Variants in RFX1 observed in about 807,000 individuals in gnomAD.
RFX1 encodes regulatory factor X1.
In RFX1, 42 loss-of-function variants were observed where a neutral mutation model predicts 119.6. That is an observed-to-expected ratio of 0.35 (90% CI 0.27 to 0.45). The LOEUF (loss-of-function observed/expected upper bound fraction) is 0.45. Among genes scored for constraint, RFX1 ranks in the 20% least tolerant of loss-of-function variants. The probability of loss-of-function intolerance (pLI) is 1.00; values close to 1 mark genes in which losing one functional copy is unlikely to be tolerated. For synonymous variants in RFX1, 628 were observed against 618.5 expected (o/e 1.02, Z -0.23); for missense variants, 1,118 against 1,368.1 (o/e 0.82, Z 2.88).
rs548576284 is a variant in RFX1, at chr19:13,993,911, G to A, written c.-52-16C>T. 75 of 1,257,308 alleles carry A rather than the reference G, an allele frequency of 6.0e-5. No homozygotes were observed. Among genetic ancestry groups the A allele is most frequent in the Non-Finnish European group, 7.4e-5 (67 of 910,684 alleles). 77.9% of individuals were successfully genotyped at this position (1,257,308 alleles called of 1,614,324 possible). A position where few individuals can be genotyped will look rare whatever the true frequency, so the allele number is the denominator to read the frequency against. The stretch of plus-strand genomic sequence containing the variant: ...TTTTTAATTCCTTGGGAAGAAAGAC[G>A]GGGATGGGGGAGAGAAAAACAAAAC... On this transcript the variant is annotated splice_polypyrimidine_tract_variant and intron_variant, in intron 1 of 20. Transcript: ENST00000254325.
At chr19:13,993,931 C>T (rs570020076) in intron 1 of RFX1, 36 bp from the exon 2 acceptor site, 2 of 1,053,438 alleles carry the variant, frequency 1.9e-6, no homozygotes, top group Non-Finnish European at 2.7e-6. Flanking sequence ...GAGAGAAAAA[C>T]AAAACAAAAC....
Position 13,962,343 on chromosome 19 carries a change from AG to A in RFX1, c.*351del. 2 of 291,838 alleles carry A rather than the reference AG, an allele frequency of 6.9e-6. No homozygotes were observed. Among genetic ancestry groups the A allele is most frequent in the South Asian group, 4.6e-5 (1 of 21,818 alleles). 18.1% of individuals were successfully genotyped at this position (291,838 alleles called of 1,614,324 possible). On this transcript the variant is annotated 3_prime_UTR_variant, in exon 21 of 21. Coordinates refer to ENST00000254325, the MANE Select transcript of RFX1 (RefSeq NM_002918.5). ...GAATAAGTTAACAGTTTCGCACGGG[AG>A]GGGGCCTGCCTGCCTGCCCCCTGGG...
chr19:13,979,939 G>A (rs1289071442), intron 6 of RFX1, among the ~76,000 whole-genome samples: 2 of 152,108 alleles, frequency 1.3e-5, no homozygotes, highest in African/African-American at 4.8e-5. Context: ...GGAGGCTGGC[G>A]GAGGAGGGTG....
Position 13,993,687 on chromosome 19 carries a change from G to T in RFX1, c.157C>A (p.Gln53Lys). Residue 53 changes from glutamine to lysine, a missense_variant, in exon 2 of 21, where the codon CAA becomes AAA. This residue lies in a region of RFX1 where 542 missense variants were observed against 602.7 expected (regional missense o/e 0.90). Transcript: ENST00000254325. ...GGGCTCTGCAGCTCGGTGACATATTGGGGCTGAGGGGTGGCAGCAGCGGTG... is the reference window on the plus strand; with the variant it reads ...GGGCTCTGCAGCTCGGTGACATATTTGGGCTGAGGGGTGGCAGCAGCGGTG... ...PPTAAATPQP[Q>K]YVTELQSPQP... The T allele has an allele frequency of 6.3e-7, 1 of 1,586,198 alleles. No individual in the cohort carries two copies.
chr19:14,000,428 A>T (rs1306773245), intron 1 of RFX1, among the ~76,000 whole-genome samples: 1 of 152,044 alleles, frequency 6.6e-6, no homozygotes, highest in African/African-American at 2.4e-5. Flanking sequence ...CAGAGGTTGC[A>T]GTGAGCTGAG....
chr19:13,978,544 C>T lies in RFX1; in HGVS notation c.835-458G>A, dbSNP rs368512720. ...AGGGCCTTAGGGGCGGGGCCTGAGT[C>T]CCCCACCTCCATCCCCCACCCTTGT... On this transcript the variant is annotated intron_variant, in intron 7 of 20. Coordinates refer to ENST00000254325, the MANE Select transcript of RFX1 (RefSeq NM_002918.5). Among the ~76,000 whole-genome samples the T allele has an allele frequency of 3.3e-5, 5 of 152,120 alleles. No homozygotes were observed. The East Asian group carries it at 9.7e-4, about 29-fold the overall frequency.
chr19:13,976,913 G>C (rs994800369), intron 8 of RFX1, among the ~76,000 whole-genome samples: 1 of 152,056 alleles, frequency 6.6e-6, no homozygotes, highest in Non-Finnish European at 1.5e-5. Flanking sequence ...TGAGGTAAGA[G>C]GATTGCTTGA....
In RFX1 at chr19:13,983,592, C is replaced by G; in HGVS notation, c.323G>C (p.Gly108Ala). The change falls in exon 3 of 21, where the codon GGT becomes GCT. Residue 108 changes from glycine to alanine, a missense_variant. Physicochemically the swap from Gly to Ala is moderately conservative, Grantham distance 60. Coordinates refer to ENST00000254325, the MANE Select transcript of RFX1 (RefSeq NM_002918.5). ...CACTGTCTCGCTGGCCCGCATGGCA[C>G]CTTCTGTGGGGAGGGGCCACCAGGT... ...QQYIVVTVSE[G>A]AMRASETVSE... is the part of the protein sequence containing the mutation. 2 of 1,599,834 alleles carry G rather than the reference C, an allele frequency of 1.3e-6. No homozygotes were observed. Among genetic ancestry groups the G allele is most frequent in the Non-Finnish European group, 1.7e-6 (2 of 1,175,472 alleles).
rs183975773 is a variant in RFX1 at position 13,966,825 on chromosome 19, C to T, written c.1733-74G>A. 3.3e-5 allele frequency: 33 copies of T among 1,001,422 alleles called. No homozygotes were observed. The highest frequency in any genetic ancestry group is 4.7e-5 in the Non-Finnish European group (32 of 676,106). The allele number at this position is 1,001,422 out of a possible 1,614,324, so 62.0% of individuals were successfully genotyped here. ...CACCCTGGGGTCCTACTGACCTGTC[C>T]GTTTCCCATCAGACTGGGGTCCCCC... is the stretch of plus-strand genomic sequence containing the variant. On this transcript the variant is annotated intron_variant, in intron 12 of 20. Coordinates refer to ENST00000254325, the MANE Select transcript of RFX1 (RefSeq NM_002918.5). The surrounding 1 kb of genome is among the most constrained non-coding windows in gnomAD (Gnocchi z 6.3).
rs550638317 is a variant in RFX1, at chr19:13,966,117, T to C, written c.1961+304A>G. On this transcript the variant is annotated intron_variant, in intron 14 of 20. Transcript: ENST00000254325. This position sits in a 1 kb window ranked among gnomAD's most constrained non-coding sequence, Gnocchi z 6.3. ...CCTCCCAAAGATCCCCAGGGTCTGGTTGGCACAGGCCCGAGGGGTGGGACG... is the reference window on the plus strand; with the variant it reads ...CCTCCCAAAGATCCCCAGGGTCTGGCTGGCACAGGCCCGAGGGGTGGGACG... 2.6e-5 allele frequency among the ~76,000 whole-genome samples: 4 copies of C among 152,212 alleles called. No individual in the cohort carries two copies. The highest frequency in any genetic ancestry group is 4.1e-4 in the South Asian group (2 of 4,822).
chr19:13,979,306 G>A (rs1974354929), intron 7 of RFX1, 141 bp downstream of exon 7: 2 of 513,992 alleles, frequency 3.9e-6, no homozygotes, highest in Non-Finnish European at 6.7e-6. Flanking sequence ...CTGCCAGGGG[G>A]CCGGGAAAGG....
intron 1 of RFX1, among the ~76,000 whole-genome samples, chr19:13,997,942 C>G (rs1239124466): frequency 6.6e-6 from 1 of 152,122 alleles, no homozygotes; most frequent in Non-Finnish European, 1.5e-5. Flanking sequence ...CTGCCCTCCC[C>G]AAACTCCTTT....
chr19:13,966,742 C>T lies in RFX1; in HGVS notation c.1742G>A (p.Arg581Gln), dbSNP rs764088725. 6.8e-6 allele frequency: 11 copies of T among 1,605,872 alleles called. No homozygotes were observed. The highest frequency in any genetic ancestry group is 2.2e-5 in the East Asian group (1 of 44,720). The change falls in exon 13 of 21, where the codon CGG becomes CAG. Residue 581 changes from arginine (R) to glutamine (Q), a missense_variant. This residue lies in a region of RFX1 where 338 missense variants were observed against 508.9 expected (regional missense o/e 0.66). Transcript: ENST00000254325. The surrounding 1 kb of genome is among the most constrained non-coding windows in gnomAD (Gnocchi z 6.3). The part of the protein sequence containing the change: ...QQYQQFLDAS[R>Q]SLPDFTELDL... ...GAGCTCTGTGAAGTCAGGGAGGCTCCGAGAGGCATCTAGGGGGCCGGGGGG... is the reference window on the plus strand; with the variant it reads ...GAGCTCTGTGAAGTCAGGGAGGCTCTGAGAGGCATCTAGGGGGCCGGGGGG...
At chr19:13,982,984 C>T (rs561670192) in intron 4 of RFX1, 56 of 571,464 alleles carry the variant, frequency 9.8e-5, no homozygotes, top group African/African-American at 9.7e-4. Flanking sequence ...TGAGATGGCT[C>T]CTGCAGCTCC....
chr19:13,983,104 G>T, intron 4 of RFX1, 83 bp downstream of exon 4: 1 of 1,084,274 alleles, frequency 9.2e-7, no homozygotes, highest in Non-Finnish European at 1.3e-6. Flanking sequence ...TCCTGGTGAG[G>T]ACAGATCCAG....
Position 13,968,509 on chromosome 19 carries a change from G to A in RFX1, c.1732+56C>T, listed in dbSNP as rs1568460205. Reference sequence around the variant, plus strand: ...CTGCCGCCATCCAGCTTTGGGAACCGTCTGCACGGGGCAGGGAGGCGGTGG... The same window carrying A: ...CTGCCGCCATCCAGCTTTGGGAACCATCTGCACGGGGCAGGGAGGCGGTGG... On this transcript the variant is annotated intron_variant, in intron 12 of 20. Transcript: ENST00000254325. This position sits in a 1 kb window ranked among gnomAD's most constrained non-coding sequence, Gnocchi z 5.5. 9.1e-6 allele frequency: 13 copies of A among 1,423,280 alleles called. No homozygotes were observed. Among genetic ancestry groups the A allele is most frequent in the Admixed American group, 6.7e-5 (4 of 59,468 alleles). 88.2% of individuals were successfully genotyped at this position (1,423,280 alleles called of 1,614,324 possible). A position where few individuals can be genotyped will look rare whatever the true frequency, so the allele number is the denominator to read the frequency against.
At chr19:13,973,174 G>C (rs769008348) in intron 8 of RFX1, 47 bp from the exon 9 acceptor site, 1 of 1,417,922 alleles carries the variant, frequency 7.1e-7, no homozygotes, top group Non-Finnish European at 9.7e-7. Flanking sequence ...ATGAGAACTG[G>C]GGGGCCGAGG....
intron 1 of RFX1, among the ~76,000 whole-genome samples, chr19:14,001,579 G>A (rs575049372): frequency 2.6e-4 from 40 of 152,314 alleles, no homozygotes; most frequent in Admixed American, 1.2e-3. Context: ...GGGATTACAA[G>A]CATAAGCCAC....
chr19:13,963,820 G>GC lies in RFX1; in HGVS notation c.2361+37dup, dbSNP rs1407690612. 3 of 1,496,176 alleles carry GC rather than the reference G, an allele frequency of 2.0e-6. No individual in the cohort carries two copies. The African/African-American group carries it at 4.3e-5, about 21-fold the overall frequency. The allele number at this position is 1,496,176 out of a possible 1,614,324, so 92.7% of individuals were successfully genotyped here. On this transcript the variant is annotated intron_variant, in intron 17 of 20. Transcript: ENST00000254325. ...CCCGCCTGGCCCGCCCCGTTAGGCT[G>GC]CCCCTCATTCGCCCGCCCCGCCCCG...
Sources: gnomAD v4.1 joint callset for allele counts (sites outside exome capture counted in the v4.1 genomes callset) on GRCh38, gnomAD v4.1.1 for gene constraint, gnomAD v4.1.1 regional missense constraint, Gnocchi (gnomAD v3.1) non-coding constraint, MANE v1.5 for transcripts, NCBI Gene and HGNC (gene_info 2026-07-23, HGNC 2026-07-21) for gene names.